The following CUL5 variants were observed in gnomAD, a reference collection of about 807,000 sequenced individuals.
CUL5 encodes cullin 5.
In CUL5, 26 loss-of-function variants were observed where a neutral mutation model predicts 108.8. That is an observed-to-expected ratio of 0.24 (90% CI 0.18 to 0.33). CUL5 has a LOEUF of 0.33. Ranked by LOEUF, CUL5 falls within the 10% of genes least tolerant of loss-of-function variation. CUL5 has a pLI of 1.00. For synonymous variants in CUL5, 334 were observed against 298.0 expected (o/e 1.12, Z -1.25); for missense variants, 524 against 909.2 (o/e 0.58, Z 5.45).
At chr11:108,031,440 G>A (rs1862581273) in intron 1 of CUL5, among the ~76,000 whole-genome samples, 1 of 151,940 alleles carries the variant, frequency 6.6e-6, no homozygotes, top group Non-Finnish European at 1.5e-5. Context: ...TTACATTTAA[G>A]TCTTTAATCC....
chr11:108,101,908 C>A (rs865987875), intron 18 of CUL5, among the ~76,000 whole-genome samples: 1 of 152,336 alleles, frequency 6.6e-6, no homozygotes, highest in South Asian at 2.1e-4. Context: ...CCTCTCTGAA[C>A]CCCTGACATA....
intron 4 of CUL5, 59 bp from the exon 5 acceptor site, chr11:108,052,601 A>G (rs1341964279): frequency 4.1e-5 from 61 of 1,478,134 alleles, no homozygotes; most frequent in Non-Finnish European, 5.1e-5. Context: ...GTGTTTGTAC[A>G]TGATACTTTG....
At chr11:108,062,034 C>T (rs1283797921) in intron 7 of CUL5, among the ~76,000 whole-genome samples, 1 of 152,182 alleles carries the variant, frequency 6.6e-6, no homozygotes, top group African/African-American at 2.4e-5. Flanking sequence ...CCTGTCTCAA[C>T]ACGTGGGAAT....
At chr11:108,040,582 A>C (rs1862872692) in intron 2 of CUL5, among the ~76,000 whole-genome samples, 1 of 141,586 alleles carries the variant, frequency 7.1e-6, no homozygotes, top group Non-Finnish European at 1.5e-5. Flanking sequence ...ACTGCACTCC[A>C]GCCTGGCTGA....
intron 18 of CUL5, among the ~76,000 whole-genome samples, chr11:108,103,661 TC>T (rs1315245247): frequency 1.3e-5 from 2 of 152,184 alleles, no homozygotes; most frequent in Non-Finnish European, 2.9e-5. Context: ...CACATTGTTT[TC>T]ACAGGTAAGA....
At chr11:108,023,473 A>G (rs1862377028) in intron 1 of CUL5, among the ~76,000 whole-genome samples, 1 of 152,230 alleles carries the variant, frequency 6.6e-6, no homozygotes, top group African/African-American at 2.4e-5. Context: ...ACAAAATTTT[A>G]AAATTCCTTT....
intron 2 of CUL5, among the ~76,000 whole-genome samples, chr11:108,045,444 C>T (rs1211140455): frequency 1.3e-5 from 2 of 151,996 alleles, no homozygotes; most frequent in Non-Finnish European, 2.9e-5. Context: ...ATTTAAAAAA[C>T]TAGACAGGTG....
intron 17 of CUL5, 146 bp from the exon 18 acceptor site, chr11:108,098,260 C>A: frequency 3.1e-6 from 2 of 637,006 alleles, no homozygotes; most frequent in South Asian, 3.2e-5. Flanking sequence ...TGTTTTAAAG[C>A]AATATGTAGG....
intron 11 of CUL5, among the ~76,000 whole-genome samples, chr11:108,086,405 T>G (rs942516574): frequency 6.6e-6 from 1 of 152,108 alleles, no homozygotes; most frequent in Non-Finnish European, 1.5e-5. Flanking sequence ...GCCTGAGCAA[T>G]GTATCTAGAT....
chr11:108,086,480 G>A (rs1362791340), intron 11 of CUL5, among the ~76,000 whole-genome samples: 2 of 152,098 alleles, frequency 1.3e-5, no homozygotes, highest in Admixed American at 1.3e-4. Context: ...GAAGGAGGGA[G>A]GTAGATCACT....
chr11:108,034,177 G>A (rs954733063), intron 2 of CUL5, among the ~76,000 whole-genome samples: 11 of 152,184 alleles, frequency 7.2e-5, no homozygotes, highest in Non-Finnish European at 1.2e-4. Context: ...GGTACATGGG[G>A]TGAAGTGCAG....
At chr11:108,048,117 A>G (rs548884654) in intron 3 of CUL5, among the ~76,000 whole-genome samples, 1 of 152,008 alleles carries the variant, frequency 6.6e-6, no homozygotes, top group South Asian at 2.1e-4. Flanking sequence ...ACGCTTAAGA[A>G]ATTTTTTTTT....
chr11:108,079,961 C>T (rs1432002282), intron 11 of CUL5, among the ~76,000 whole-genome samples: 13 of 152,132 alleles, frequency 8.5e-5, no homozygotes, highest in African/African-American at 3.1e-4. Flanking sequence ...TTTACACTTC[C>T]ACCAATAGAG....
intron 10 of CUL5, among the ~76,000 whole-genome samples, chr11:108,076,480 T>C (rs1863944043): frequency 6.6e-6 from 1 of 152,210 alleles, no homozygotes; most frequent in Non-Finnish European, 1.5e-5. Context: ...ACTCTTTCAT[T>C]CCTCTTTCTG....
intron 11 of CUL5, among the ~76,000 whole-genome samples, chr11:108,080,903 GTTGCTT>G (rs1864062635): frequency 6.6e-6 from 1 of 151,418 alleles, no homozygotes; most frequent in African/African-American, 2.4e-5. Context: ...TTTTTCTTTT[GTTGCTT>G]TTGCTTTTGG....
rs1863846033 is a variant in CUL5 at position 108,072,325 on chromosome 11, C to T, written c.875-7C>T. 1 of 1,589,292 alleles carries T rather than the reference C, an allele frequency of 6.3e-7. No individual in the cohort carries two copies. The highest frequency in any genetic ancestry group is 8.6e-7 in the Non-Finnish European group (1 of 1,167,184). On this transcript the variant is annotated splice_polypyrimidine_tract_variant and splice_region_variant and intron_variant, in intron 8 of 18. Transcript: ENST00000393094. ...AATGATTACATGAATGTGTTCTCTC[C>T]TTCCAGAATTACATTTAATGTTTTC... is the stretch of plus-strand genomic sequence containing the variant.
rs564959398 is a variant in CUL5 at position 108,096,145 on chromosome 11, G to C, written c.1905+454G>C. On this transcript the variant is annotated intron_variant, in intron 16 of 18. Coordinates refer to ENST00000393094, the MANE Select transcript of CUL5 (RefSeq NM_003478.6). ...CACACACACACACGAGATATTTATG[G>C]AAAAAATAAATTGCAAATAGGCAAG... 2.0e-5 allele frequency among the ~76,000 whole-genome samples: 3 copies of C among 150,318 alleles called. No individual in the cohort carries two copies. The East Asian group carries it at 5.9e-4, about 30-fold the overall frequency.
At chr11:108,011,432 G>A (rs1308789048) in intron 1 of CUL5, among the ~76,000 whole-genome samples, 5 of 152,154 alleles carry the variant, frequency 3.3e-5, no homozygotes. Context: ...AGAAAACGGG[G>A]TACTTAGGGT....
At chr11:108,025,823 A>G (rs1254922509) in intron 1 of CUL5, among the ~76,000 whole-genome samples, 1 of 151,914 alleles carries the variant, frequency 6.6e-6, no homozygotes, top group Non-Finnish European at 1.5e-5. Context: ...CAAACTCTGA[A>G]CTCTGCCTCT....
Sources: allele counts gnomAD v4.1 joint callset (sites outside exome capture counted in the v4.1 genomes callset), GRCh38; gene constraint gnomAD v4.1.1; transcripts MANE v1.5; gene names NCBI Gene and HGNC (gene_info 2026-07-23, HGNC 2026-07-21).